Variants in SUSD4 observed in about 807,000 individuals in gnomAD.
SUSD4 encodes the protein sushi domain-containing protein 4.
Under a neutral mutation model 50.5 loss-of-function variants are expected in SUSD4, and 41 were observed. That is an observed-to-expected ratio of 0.81 (90% CI 0.63 to 1.05). The LOEUF is 1.05. SUSD4 is among the 50% of genes least tolerant of loss of function. SUSD4 has a pLI of 0.00. For missense variants in SUSD4, 580 were observed against 634.7 expected (o/e 0.91, Z 0.93); for synonymous variants, 257 against 257.3 (o/e 1.00, Z 0.01).
chr1:223,256,479 T>A (rs1661699987), intron 5 of SUSD4, among the ~76,000 whole-genome samples: 1 of 152,050 alleles, frequency 6.6e-6, no homozygotes, highest in Non-Finnish European at 1.5e-5. Flanking sequence ...TCACCACACA[T>A]CTCTTCCTTT....
intron 5 of SUSD4, among the ~76,000 whole-genome samples, chr1:223,247,385 T>C (rs1571876901): frequency 6.6e-6 from 1 of 152,192 alleles, no homozygotes; most frequent in Non-Finnish European, 1.5e-5. Flanking sequence ...AAGCCCACCC[T>C]GAAGCCAGCA....
intron 3 of SUSD4, among the ~76,000 whole-genome samples, chr1:223,280,304 G>C (rs976539621): frequency 6.6e-6 from 1 of 152,112 alleles, no homozygotes; most frequent in African/African-American, 2.4e-5. Flanking sequence ...ATTGGATAAA[G>C]AGTCAAGACC....
At chr1:223,279,918 T>C (rs1195484930) in intron 3 of SUSD4, among the ~76,000 whole-genome samples, 14 of 151,964 alleles carry the variant, frequency 9.2e-5, no homozygotes, top group Admixed American at 8.5e-4. Context: ...CAGAAGAGAG[T>C]GGGGGCCAAT....
intron 5 of SUSD4, among the ~76,000 whole-genome samples, chr1:223,247,542 T>C (rs1194878522): frequency 6.6e-6 from 1 of 152,224 alleles, no homozygotes; most frequent in African/African-American, 2.4e-5. Flanking sequence ...CGGTCTACCA[T>C]ATACAGTTGG....
chr1:223,331,557 C>T (rs1161901977), intron 2 of SUSD4, among the ~76,000 whole-genome samples: 3 of 152,194 alleles, frequency 2.0e-5, no homozygotes, highest in Non-Finnish European at 4.4e-5. Flanking sequence ...CTTTCCACTC[C>T]GCCTACTTAA....
chr1:223,296,948 A>G (rs755093974), intron 2 of SUSD4, among the ~76,000 whole-genome samples: 1 of 152,212 alleles, frequency 6.6e-6, no homozygotes, highest in Non-Finnish European at 1.5e-5. Context: ...AGCCTCGGGT[A>G]TGTCCTTATA....
chr1:223,360,196 A>G, intron 2 of SUSD4: 1 of 470,750 alleles, frequency 2.1e-6, no homozygotes, highest in Non-Finnish European at 4.4e-6. Flanking sequence ...TGTGCTAAAG[A>G]ATTCACCTTA....
At chr1:223,275,105 C>T (rs572033360) in intron 3 of SUSD4, among the ~76,000 whole-genome samples, 5 of 152,320 alleles carry the variant, frequency 3.3e-5, no homozygotes, top group African/African-American at 1.2e-4. Flanking sequence ...AGCTGTCTTT[C>T]CCAGTTCATC....
At chr1:223,246,692 T>C (rs1571875308) in intron 5 of SUSD4, among the ~76,000 whole-genome samples, 2 of 151,932 alleles carry the variant, frequency 1.3e-5, no homozygotes, top group Non-Finnish European at 2.9e-5. Context: ...GCCAGGGTGG[T>C]GGAGATGTGA....
intron 2 of SUSD4, among the ~76,000 whole-genome samples, chr1:223,336,382 T>C (rs1667457099): frequency 2.0e-5 from 3 of 152,236 alleles, no homozygotes; most frequent in Admixed American, 2.0e-4. Context: ...CTACAATTTT[T>C]AGTATCTAAA....
At chr1:223,349,886 T>C (rs1023349981) in intron 2 of SUSD4, among the ~76,000 whole-genome samples, 4 of 152,222 alleles carry the variant, frequency 2.6e-5, no homozygotes, top group Admixed American at 6.5e-5. Flanking sequence ...AATTCATACA[T>C]TGAAGCCTTA....
intron 2 of SUSD4, among the ~76,000 whole-genome samples, chr1:223,333,245 A>G (rs1018262051): frequency 2.6e-5 from 4 of 152,076 alleles, no homozygotes; most frequent in African/African-American, 7.2e-5. Context: ...GTGCATTTCA[A>G]TCCACACTCC....
At chr1:223,254,778 A>T (rs1661578265) in intron 5 of SUSD4, among the ~76,000 whole-genome samples, 1 of 152,214 alleles carries the variant, frequency 6.6e-6, no homozygotes, top group African/African-American at 2.4e-5. Context: ...AAGAGGAGGA[A>T]GCTACAGTGG....
intron 2 of SUSD4, among the ~76,000 whole-genome samples, chr1:223,349,775 C>G (rs1362969818): frequency 6.6e-6 from 1 of 152,184 alleles, no homozygotes; most frequent in East Asian, 1.9e-4. Flanking sequence ...CATATTTCCC[C>G]TAGCTGGGAT....
At chr1:223,290,127 G>T (rs1360275761) in intron 3 of SUSD4, among the ~76,000 whole-genome samples, 2 of 152,150 alleles carry the variant, frequency 1.3e-5, no homozygotes, top group African/African-American at 4.8e-5. Context: ...CACCATTCCA[G>T]AAATTCATTA....
rs1003217985 is a variant in SUSD4, at chr1:223,221,969, G to A, written c.*223C>T. ...CACGCGAGGGCTTCCCTGCTGCCCC[G>A]GTTCCCCATGGGTCTTGGTGAATCC... On this transcript the variant is annotated 3_prime_UTR_variant, in exon 9 of 9. Transcript: ENST00000366878. The A allele has an allele frequency of 1.8e-5, 9 of 501,434 alleles. No homozygotes were observed. Among genetic ancestry groups the A allele is most frequent in the Non-Finnish European group, 2.8e-5 (8 of 285,124 alleles). The allele number at this position is 501,434 out of a possible 1,614,324, so 31.1% of individuals were successfully genotyped here.
chr1:223,363,581 C>A, intron 1 of SUSD4, 121 bp from the exon 2 acceptor site: 1 of 1,196,314 alleles, frequency 8.4e-7, no homozygotes. Flanking sequence ...GGTTCCTCCC[C>A]CGCGCGGCCC....
intron 5 of SUSD4, among the ~76,000 whole-genome samples, chr1:223,234,393 G>A (rs923112524): frequency 6.6e-6 from 1 of 152,166 alleles, no homozygotes; most frequent in Non-Finnish European, 1.5e-5. Flanking sequence ...AGTGATCTTG[G>A]AGTTCCTGGG....
rs1660052930 is a variant in SUSD4, at chr1:223,233,922, T to A, written c.725-4534A>T. On this transcript the variant is annotated intron_variant, in intron 5 of 8. Transcript: ENST00000366878. Reference sequence around the variant, plus strand: ...GGACATTCAGTGGTTATAGGCAGAATCCAAGAAAGGCTCTGCTGACACTCA... The same window carrying A: ...GGACATTCAGTGGTTATAGGCAGAAACCAAGAAAGGCTCTGCTGACACTCA... Among the ~76,000 whole-genome samples the A allele has an allele frequency of 2.6e-5, 4 of 152,184 alleles. No individual in the cohort carries two copies. In the South Asian group the frequency reaches 8.3e-4, roughly 32 times the overall value.
Sources: allele counts gnomAD v4.1 joint callset (sites outside exome capture counted in the v4.1 genomes callset), GRCh38; gene constraint gnomAD v4.1.1; transcripts MANE v1.5; gene names NCBI Gene and HGNC (gene_info 2026-07-23, HGNC 2026-07-21).